The following RAD51B variants were observed in gnomAD, a reference collection of about 807,000 sequenced individuals.
RAD51B encodes DNA repair protein RAD51 homolog 2.
Under a neutral mutation model 42.2 loss-of-function variants are expected in RAD51B, and 38 were observed. The ratio of observed to expected loss-of-function variants is 0.90; its 90% CI spans 0.70 to 1.18. The LOEUF (loss-of-function observed/expected upper bound fraction) is 1.18. RAD51B is among the 50% of genes most tolerant of loss of function. RAD51B has a pLI of 0.00. For synonymous variants in RAD51B, 154 were observed against 145.2 expected, an observed-to-expected ratio of 1.06 and a Z score of -0.43; for missense variants, 373 against 400.7, an observed-to-expected ratio of 0.93 and a Z score of 0.59.
intron 7 of RAD51B, among the ~76,000 whole-genome samples, chr14:68,076,438 A>G (rs921081138): frequency 2.6e-5 from 4 of 152,252 alleles, no homozygotes; most frequent in African/African-American, 9.6e-5. Context: ...AGGTGATAGG[A>G]TACCTCCTTC....
At chr14:68,258,915 G>T (rs1221276683) in intron 7 of RAD51B, among the ~76,000 whole-genome samples, 1 of 152,192 alleles carries the variant, frequency 6.6e-6, no homozygotes, top group Non-Finnish European at 1.5e-5. Context: ...GCCTTCCTGT[G>T]TAAAAATTCT....
intron 7 of RAD51B, among the ~76,000 whole-genome samples, chr14:68,075,674 G>A (rs529597194): frequency 2.0e-5 from 3 of 152,232 alleles, no homozygotes; most frequent in African/African-American, 7.2e-5. Flanking sequence ...CTGCACCCCT[G>A]GGAAATACAG....
intron 5 of RAD51B, among the ~76,000 whole-genome samples, chr14:67,885,052 C>T (rs1204078924): frequency 6.6e-6 from 1 of 152,106 alleles, no homozygotes; most frequent in Non-Finnish European, 1.5e-5. Flanking sequence ...TCCCAGTTCC[C>T]CTGGGATGGC....
chr14:68,021,793 T>C (rs2075871354), intron 7 of RAD51B, among the ~76,000 whole-genome samples: 1 of 152,192 alleles, frequency 6.6e-6, no homozygotes, highest in Non-Finnish European at 1.5e-5. Flanking sequence ...AAGTGTATCA[T>C]AGCATTATGT....
intron 7 of RAD51B, among the ~76,000 whole-genome samples, chr14:68,046,063 A>G (rs1196400208): frequency 6.6e-6 from 1 of 152,130 alleles, no homozygotes; most frequent in Admixed American, 6.5e-5. Flanking sequence ...CTAGTGAGGA[A>G]GGTTCTATGA....
At chr14:68,527,367 A>G (rs908818200) in intron 10 of RAD51B, among the ~76,000 whole-genome samples, 1 of 152,216 alleles carries the variant, frequency 6.6e-6, no homozygotes, top group Non-Finnish European at 1.5e-5. Context: ...ACAAAAGGAA[A>G]GAGAGAGTAG....
At chr14:68,177,620 G>A (rs1020060299) in intron 7 of RAD51B, among the ~76,000 whole-genome samples, 2 of 151,860 alleles carry the variant, frequency 1.3e-5, no homozygotes, top group African/African-American at 2.4e-5. Flanking sequence ...GGGGGCCAGT[G>A]GGGAATGAGA....
chr14:68,430,705 A>G (rs1292089377), intron 9 of RAD51B, among the ~76,000 whole-genome samples: 2 of 152,146 alleles, frequency 1.3e-5, no homozygotes, highest in African/African-American at 4.8e-5. Flanking sequence ...AACAGGGACA[A>G]TTTTACTTCC....
chr14:68,291,194 T>TTTTA (rs1410975651), intron 7 of RAD51B, among the ~76,000 whole-genome samples: 1 of 152,006 alleles, frequency 6.6e-6, no homozygotes, highest in South Asian at 2.1e-4. Flanking sequence ...TTTAATTTAT[T>TTTTA]TTTATTTATT....
At chr14:68,642,532 T>A (rs1892483402) in intron 10 of RAD51B, among the ~76,000 whole-genome samples, 1 of 152,210 alleles carries the variant, frequency 6.6e-6, no homozygotes, top group African/African-American at 2.4e-5. Flanking sequence ...GGTTTATTGA[T>A]CTTATTGATG....
At chr14:68,444,617 T>C (rs1420195226) in intron 9 of RAD51B, among the ~76,000 whole-genome samples, 1 of 152,214 alleles carries the variant, frequency 6.6e-6, no homozygotes, top group African/African-American at 2.4e-5. Context: ...TACCCTGGGA[T>C]GCAGAAACTG....
chr14:68,368,852 G>C (rs145075925), intron 8 of RAD51B, among the ~76,000 whole-genome samples: 1 of 152,154 alleles, frequency 6.6e-6, no homozygotes, highest in Non-Finnish European at 1.5e-5. Context: ...TAATTGGGAG[G>C]GAAAATGAAG....
At chr14:68,502,333 C>G (rs762544708) in intron 10 of RAD51B, among the ~76,000 whole-genome samples, 1 of 152,144 alleles carries the variant, frequency 6.6e-6, no homozygotes, top group East Asian at 1.9e-4. Flanking sequence ...TCAGCCCCTA[C>G]GAAAACTGAT....
At chr14:67,920,604 A>G (rs1450711556) in intron 7 of RAD51B, among the ~76,000 whole-genome samples, 1 of 152,190 alleles carries the variant, frequency 6.6e-6, no homozygotes, top group African/African-American at 2.4e-5. Flanking sequence ...TTAAAGTTCT[A>G]ATACTGTGTA....
At chr14:68,160,745 C>A (rs2078620589) in intron 7 of RAD51B, among the ~76,000 whole-genome samples, 1 of 152,108 alleles carries the variant, frequency 6.6e-6, no homozygotes, top group Non-Finnish European at 1.5e-5. Flanking sequence ...CTACTAAATC[C>A]CTTTTTCAGC....
intron 7 of RAD51B, among the ~76,000 whole-genome samples, chr14:67,932,032 T>C (rs572805682): frequency 1.3e-4 from 20 of 152,222 alleles, no homozygotes; most frequent in Admixed American, 5.2e-4. Context: ...TACAAAGTTA[T>C]ATTATGTGAT....
chr14:68,280,573 G>T (rs190600204), intron 7 of RAD51B, among the ~76,000 whole-genome samples: 251 of 152,302 alleles, frequency 1.6e-3, no homozygotes, highest in Middle Eastern at 3.4e-3. Flanking sequence ...CAAGCAATTG[G>T]TAGGGGTCTG....
intron 10 of RAD51B, among the ~76,000 whole-genome samples, chr14:68,504,413 A>G (rs916665227): frequency 6.6e-6 from 1 of 152,246 alleles, no homozygotes; most frequent in Non-Finnish European, 1.5e-5. Context: ...ATTTGTGTAC[A>G]TCAATGAGTT....
chr14:67,861,833 T>C (rs1308088867), intron 4 of RAD51B, among the ~76,000 whole-genome samples: 2 of 152,212 alleles, frequency 1.3e-5, no homozygotes, highest in Non-Finnish European at 2.9e-5. Flanking sequence ...TTAAAATCAC[T>C]GTTTGGAATA....
Sources: gnomAD v4.1 joint callset for allele counts (sites outside exome capture counted in the v4.1 genomes callset) on GRCh38, gnomAD v4.1.1 for gene constraint, MANE v1.5 for transcripts, NCBI Gene and HGNC (gene_info 2026-07-23, HGNC 2026-07-21) for gene names.